Variants in FMN1 observed in about 807,000 individuals in gnomAD.
FMN1 encodes formin 1, also known as formin-1.
Under a neutral mutation model 132.4 loss-of-function variants are expected in FMN1, and 110 were observed. That is an observed-to-expected ratio of 0.83 (90% confidence interval 0.71 to 0.97). The LOEUF is 0.97. FMN1 is among the 50% of genes least tolerant of loss of function. FMN1 has a pLI of 0.00. For missense variants in FMN1, 1,792 were observed against 1,705.3 expected (o/e 1.05, Z -0.90); for synonymous variants, 722 against 651.7 (o/e 1.11, Z -1.64).
At chr15:32,958,636 T>C (rs1419408452) in intron 9 of FMN1, among the ~76,000 whole-genome samples, 1 of 152,238 alleles carries the variant, frequency 6.6e-6, no homozygotes, top group East Asian at 1.9e-4. Flanking sequence ...ACTATTTTAG[T>C]AGTTGAAGCT....
At chr15:32,975,663 G>A (rs1279309680) in intron 7 of FMN1, among the ~76,000 whole-genome samples, 2 of 151,998 alleles carry the variant, frequency 1.3e-5, no homozygotes, top group South Asian at 2.1e-4. Flanking sequence ...ATTTCTAAAA[G>A]TTGATGTTGA....
chr15:33,026,778 A>T (rs1463473627), intron 6 of FMN1, among the ~76,000 whole-genome samples: 1 of 152,162 alleles, frequency 6.6e-6, no homozygotes, highest in Non-Finnish European at 1.5e-5. Flanking sequence ...AACTCGACAG[A>T]GAGTGGAATT....
At chr15:32,784,554 G>A (rs2056786982) in intron 19 of FMN1, among the ~76,000 whole-genome samples, 1 of 152,180 alleles carries the variant, frequency 6.6e-6, no homozygotes, top group Non-Finnish European at 1.5e-5. Flanking sequence ...AGACCAAGGG[G>A]ATGATTCTTC....
At chr15:33,094,594 T>TA (rs2039012459) in intron 4 of FMN1, among the ~76,000 whole-genome samples, 1 of 152,230 alleles carries the variant, frequency 6.6e-6, no homozygotes, top group African/African-American at 2.4e-5. Flanking sequence ...CTCAGGGTCG[T>TA]TCATAGATAC....
At chr15:32,795,397 T>G (rs1409608094) in intron 19 of FMN1, among the ~76,000 whole-genome samples, 1 of 152,152 alleles carries the variant, frequency 6.6e-6, no homozygotes, top group Non-Finnish European at 1.5e-5. Context: ...AGGGGCACTA[T>G]GGCAGAAGGG....
intron 17 of FMN1, among the ~76,000 whole-genome samples, chr15:32,806,021 T>A (rs896728802): frequency 6.6e-6 from 1 of 152,218 alleles, no homozygotes; most frequent in Admixed American, 6.5e-5. Context: ...GAAGATATAT[T>A]ATTATATATG....
At chr15:33,025,370 C>G (rs1462358490) in intron 6 of FMN1, among the ~76,000 whole-genome samples, 1 of 152,066 alleles carries the variant, frequency 6.6e-6, no homozygotes, top group Non-Finnish European at 1.5e-5. Context: ...CAACATGTAT[C>G]TTTTTCAGGA....
chr15:32,804,913 A>C (rs897269252), intron 17 of FMN1, among the ~76,000 whole-genome samples: 1 of 152,126 alleles, frequency 6.6e-6, no homozygotes, highest in Admixed American at 6.6e-5. Flanking sequence ...TCTCTCATTG[A>C]TGGACATTTG....
chr15:32,893,389 C>CGT (rs2060079202), intron 15 of FMN1, among the ~76,000 whole-genome samples: 1 of 151,634 alleles, frequency 6.6e-6, no homozygotes, highest in African/African-American at 2.4e-5. Context: ...TGTGCGCGCT[C>CGT]GTGCGCGCGC....
At position 32,772,844 on chromosome 15, in the gene FMN1, G is replaced by A. The variant is rs1209455892; in HGVS notation, c.*1466C>T. On this transcript the variant is annotated 3_prime_UTR_variant, in exon 21 of 21. Coordinates refer to ENST00000616417, the MANE Select transcript of FMN1 (RefSeq NM_001277313.2). Reference sequence around the variant, plus strand: ...GGCTGCTGGCTGGCAGGCATATCCTGGGAAGATGCTCAGGCACCTGGCAAG... The same window carrying A: ...GGCTGCTGGCTGGCAGGCATATCCTAGGAAGATGCTCAGGCACCTGGCAAG... 6.6e-6 allele frequency: 1 copy of A among 152,446 alleles called. No individual in the cohort carries two copies. Among genetic ancestry groups the A allele is most frequent in the Admixed American group, 6.5e-5 (1 of 15,288 alleles). 9.4% of individuals were successfully genotyped at this position (152,446 alleles called of 1,614,324 possible).
At chr15:32,929,805 T>TAC (rs140325184) in intron 9 of FMN1, among the ~76,000 whole-genome samples, 1,647 of 151,776 alleles carry the variant, frequency 0.011, 30 homozygotes, top group African/African-American at 0.038. Context: ...CCACTGTATG[T>TAC]ACACACCACG....
intron 4 of FMN1, chr15:33,149,748 C>T (rs1964370291): frequency 1.0e-6 from 1 of 978,648 alleles, no homozygotes; most frequent in Non-Finnish European, 1.2e-6. Context: ...CTGTAGTAAC[C>T]TTAAATGGCT....
intron 4 of FMN1, among the ~76,000 whole-genome samples, chr15:33,110,210 A>G (rs1253386179): frequency 1.3e-5 from 2 of 152,080 alleles, no homozygotes; most frequent in Non-Finnish European, 2.9e-5. Flanking sequence ...TTAGGACACT[A>G]AAAAACCATA....
chr15:33,152,885 C>G (rs1354689313), intron 4 of FMN1, among the ~76,000 whole-genome samples, 163 bp downstream of exon 4: 1 of 151,808 alleles, frequency 6.6e-6, no homozygotes, highest in Non-Finnish European at 1.5e-5. Flanking sequence ...TAATCATCTC[C>G]ACACCCCGCT....
At chr15:32,866,782 C>T (rs1348183445) in intron 16 of FMN1, among the ~76,000 whole-genome samples, 1 of 152,170 alleles carries the variant, frequency 6.6e-6, no homozygotes, top group Non-Finnish European at 1.5e-5. Flanking sequence ...CATTTTGTAT[C>T]TCCTTCGCTG....
intron 7 of FMN1, among the ~76,000 whole-genome samples, chr15:32,988,230 C>A (rs1452834651): frequency 1.4e-4 from 22 of 151,930 alleles, no homozygotes; most frequent in Admixed American, 1.4e-3. Context: ...AATAATCTAC[C>A]AAGCTCCTAT....
intron 4 of FMN1, among the ~76,000 whole-genome samples, chr15:33,149,440 A>AT (rs1183262220): frequency 6.6e-6 from 1 of 152,230 alleles, no homozygotes; most frequent in South Asian, 2.1e-4. Flanking sequence ...GAACATTCAA[A>AT]TTTTTTCTAG....
intron 16 of FMN1, among the ~76,000 whole-genome samples, chr15:32,867,642 C>A (rs1367384176): frequency 2.0e-5 from 3 of 152,090 alleles, no homozygotes; most frequent in Non-Finnish European, 4.4e-5. Flanking sequence ...GCCCCCCGCT[C>A]CCTGTGCAAA....
intron 3 of FMN1, among the ~76,000 whole-genome samples, chr15:33,157,167 A>T (rs866132819): frequency 1.1e-4 from 16 of 151,428 alleles, no homozygotes; most frequent in Admixed American, 4.0e-4. Flanking sequence ...CAGGAGGCCG[A>T]GGCACGAGAA....
Sources: allele counts gnomAD v4.1 joint callset (sites outside exome capture counted in the v4.1 genomes callset), GRCh38; gene constraint gnomAD v4.1.1; transcripts MANE v1.5; gene names NCBI Gene and HGNC (gene_info 2026-07-23, HGNC 2026-07-21).